Variants in RARS1 observed in about 807,000 individuals in gnomAD.
RARS1 encodes arginine--tRNA ligase, cytoplasmic.
RARS1 carries 75 observed loss-of-function variants against 78.7 expected under a neutral mutation model. The ratio of observed to expected loss-of-function variants is 0.95; its 90% CI spans 0.79 to 1.15. The LOEUF is 1.15. Ranked by LOEUF, RARS1 falls within the 50% of genes most tolerant of loss-of-function variation. RARS1 has a pLI of 0.00. For missense variants in RARS1, 787 were observed against 787.5 expected (o/e 1.00, Z 0.01); for synonymous variants, 273 against 268.2 (o/e 1.02, Z -0.18).
At chr5:168,504,281 T>C (rs1358785296) in intron 9 of RARS1, among the ~76,000 whole-genome samples, 1 of 151,890 alleles carries the variant, frequency 6.6e-6, no homozygotes, top group East Asian at 1.9e-4. Context: ...ATCCTAGCAC[T>C]TTGGGAGGCC....
chr5:168,503,104 C>T (rs1230174361), intron 9 of RARS1, among the ~76,000 whole-genome samples: 2 of 152,158 alleles, frequency 1.3e-5, no homozygotes, highest in Non-Finnish European at 2.9e-5. Context: ...TGCAAGAATG[C>T]AGGCAATGAG....
chr5:168,511,412 AAG>A (rs150517110), intron 12 of RARS1, among the ~76,000 whole-genome samples: 2 of 151,640 alleles, frequency 1.3e-5, no homozygotes, highest in Non-Finnish European at 2.9e-5. Context: ...AAGCAGGAGC[AAG>A]AGAGAGAGAG....
At chr5:168,507,561 A>G (rs1287377852) in intron 11 of RARS1, among the ~76,000 whole-genome samples, 1 of 152,248 alleles carries the variant, frequency 6.6e-6, no homozygotes, top group Admixed American at 6.5e-5. Flanking sequence ...AAAAAACCAC[A>G]TGAAGTAGCT....
chr5:168,493,744 A>C, intron 3 of RARS1, 150 bp from the exon 4 acceptor site: 1 of 612,272 alleles, frequency 1.6e-6, no homozygotes, highest in Non-Finnish European at 2.9e-6. Context: ...TTGATACTTT[A>C]ATCTGTCATT....
At position 168,495,408 on chromosome 5, in the gene RARS1, T is replaced by C; in HGVS notation, c.673T>C (p.Phe225Leu). 1 of 1,613,956 alleles carries C rather than the reference T, an allele frequency of 6.2e-7. No homozygotes were observed. Among genetic ancestry groups the C allele is most frequent in the South Asian group, 1.1e-5 (1 of 91,074 alleles). Reference sequence around the variant, plus strand: ...CATAGGAGAGAGTATAAGCCGCCTCTTTGAATTTGCAGGGTATGACGTGCT... The same window carrying C: ...CATAGGAGAGAGTATAAGCCGCCTCCTTGAATTTGCAGGGTATGACGTGCT... ...TIIGESISRL[F>L]EFAGYDVLRL... Residue 225 changes from phenylalanine to leucine, a missense_variant, in exon 6 of 15, where the codon TTT (phenylalanine) becomes CTT (leucine). By Grantham distance (22) the Phe-to-Leu change is conservative. Transcript: ENST00000231572.
At chr5:168,510,453 A>T in intron 11 of RARS1, 128 bp from the exon 12 acceptor site, 1 of 701,280 alleles carries the variant, frequency 1.4e-6, no homozygotes, top group Non-Finnish European at 2.5e-6. Flanking sequence ...CTCAGGGGCA[A>T]TATGTACCTT....
intron 6 of RARS1, among the ~76,000 whole-genome samples, chr5:168,496,035 A>G (rs537845391): frequency 6.6e-6 from 1 of 152,086 alleles, no homozygotes; most frequent in Non-Finnish European, 1.5e-5. Flanking sequence ...CAAATTAAAG[A>G]TTACTCTGGT....
chr5:168,496,590 C>T (rs1321602417), intron 6 of RARS1, among the ~76,000 whole-genome samples: 1 of 151,720 alleles, frequency 6.6e-6, no homozygotes, highest in African/African-American at 2.4e-5. Context: ...TCACGCCATT[C>T]TCCTGCCTCA....
At chr5:168,497,402 T>C (rs1216301092) in intron 7 of RARS1, 54 bp downstream of exon 7, 1 of 1,354,268 alleles carries the variant, frequency 7.4e-7, no homozygotes, top group Non-Finnish European at 9.8e-7. Flanking sequence ...ATCATAATTA[T>C]CCATTTTCCT....
chr5:168,509,786 A>G (rs1758531182), intron 11 of RARS1, among the ~76,000 whole-genome samples: 1 of 151,940 alleles, frequency 6.6e-6, no homozygotes, highest in African/African-American at 2.4e-5. Context: ...CCTGGGCAAC[A>G]TAGTGAGAGA....
Position 168,500,674 on chromosome 5 carries a change from A to C in RARS1, c.906A>C (p.Pro302=). Residue 302 remains proline, a synonymous_variant, in exon 8 of 15, where the codon CCA becomes CCC. Transcript: ENST00000231572. ...TAGTTCTGCTCCAGGGTAAAAACCC[A>C]GATATTACAAAAGCTTGGAAGCTTA... is the stretch of plus-strand genomic sequence containing the variant. ...QCVVLLQGKN[P]DITKAWKLIC... The C allele has an allele frequency of 6.2e-7, 1 of 1,610,610 alleles. No individual in the cohort carries two copies. Among genetic ancestry groups the C allele is most frequent in the Non-Finnish European group, 8.5e-7 (1 of 1,179,134 alleles).
intron 12 of RARS1, among the ~76,000 whole-genome samples, chr5:168,513,294 G>A (rs963540493): frequency 5.5e-5 from 8 of 146,406 alleles, no homozygotes; most frequent in East Asian, 2.0e-4. Context: ...TCGTGACCTC[G>A]TGATCTGCCC....
intron 7 of RARS1, among the ~76,000 whole-genome samples, chr5:168,498,825 G>C (rs762454022): frequency 2.0e-5 from 3 of 152,020 alleles, no homozygotes; most frequent in Non-Finnish European, 2.9e-5. Flanking sequence ...AAGTTAGCCA[G>C]GCATGTTGGT....
chr5:168,517,668 A>G (rs1758698595), intron 13 of RARS1, 147 bp from the exon 14 acceptor site: 3 of 1,014,722 alleles, frequency 3.0e-6, no homozygotes, highest in Non-Finnish European at 4.0e-6. Context: ...TCTGGCTATT[A>G]GTTTTGCCTA....
chr5:168,517,882 CT>C lies in RARS1; in HGVS notation c.1697del (p.Leu566TrpfsTer9). On this transcript the variant is annotated frameshift_variant, in exon 14 of 15. Transcript: ENST00000231572. LOFTEE classifies it high-confidence loss of function. ...LQKAARETKI[L>X]LDHEKEWKLG... Reference sequence around the variant, plus strand: ...AAAAGCTGCTCGAGAAACCAAGATTCTTTTGGATCATGAGAAGGAATGGAAA... The same window carrying C: ...AAAAGCTGCTCGAGAAACCAAGATTCTTTGGATCATGAGAAGGAATGGAAA... 6.2e-7 allele frequency: 1 copy of C among 1,613,596 alleles called. No individual in the cohort carries two copies. The highest frequency in any genetic ancestry group is 8.5e-7 in the Non-Finnish European group (1 of 1,179,932).
chr5:168,503,891 C>T (rs1295348350), intron 9 of RARS1, among the ~76,000 whole-genome samples: 2 of 151,160 alleles, frequency 1.3e-5, no homozygotes, highest in Non-Finnish European at 2.9e-5. Context: ...CGCAACATAG[C>T]AGGACCCTTT....
intron 8 of RARS1, among the ~76,000 whole-genome samples, chr5:168,501,124 T>C (rs1192547588): frequency 6.6e-6 from 1 of 152,206 alleles, no homozygotes; most frequent in African/African-American, 2.4e-5. Context: ...AATTTATTTA[T>C]GATTTTAAGG....
chr5:168,495,803 A>G (rs188336529), intron 6 of RARS1, among the ~76,000 whole-genome samples: 1 of 152,218 alleles, frequency 6.6e-6, no homozygotes, highest in Non-Finnish European at 1.5e-5. Flanking sequence ...ATTTTATTCT[A>G]AGTGTACTGG....
chr5:168,495,429 G>C lies in RARS1; in HGVS notation c.694G>C (p.Val232Leu). Residue 232 changes from valine to leucine, a missense_variant, in exon 6 of 15, where the codon GTG (valine) becomes CTG (leucine). Transcript: ENST00000231572. ...CCTCTTTGAATTTGCAGGGTATGAC[G>C]TGCTCAGGTATGTGCTCTTGCCTTG... is the stretch of plus-strand genomic sequence containing the variant. The part of the protein sequence containing the change: ...SRLFEFAGYD[V>L]LRLNHVGDWG... 1.2e-6 allele frequency: 2 copies of C among 1,613,384 alleles called. No homozygotes were observed. Among genetic ancestry groups the C allele is most frequent in the Non-Finnish European group, 1.7e-6 (2 of 1,179,570 alleles).
Sources: allele counts gnomAD v4.1 joint callset (sites outside exome capture counted in the v4.1 genomes callset), GRCh38; gene constraint gnomAD v4.1.1; transcripts MANE v1.5; gene names NCBI Gene and HGNC (gene_info 2026-07-23, HGNC 2026-07-21).